TGIF1: variants seen among roughly 807,000 people sequenced by gnomAD.
The protein encoded by TGIF1 is TGFB induced factor homeobox 1, also known as homeobox protein TGIF1.
Under a neutral mutation model 19.3 loss-of-function variants are expected in TGIF1, and 4 were observed. The observed-to-expected ratio is 0.21, with a 90% CI of 0.10 to 0.47. The LOEUF (loss-of-function observed/expected upper bound fraction) is 0.47, where lower values mean the gene tolerates loss of function less well. Among genes scored for constraint, TGIF1 ranks in the 20% least tolerant of loss-of-function variants. The pLI, the probability that TGIF1 is intolerant of heterozygous loss-of-function variation, is 0.98. For missense variants in TGIF1, 275 were observed against 341.4 expected (o/e 0.81, Z 1.53); for synonymous variants, 122 against 129.3 (o/e 0.94, Z 0.38).
At chr18:3,444,286 C>CTTTTT (rs57205118) in intron 2 of TGIF1, among the ~76,000 whole-genome samples, 2 of 122,224 alleles carry the variant, frequency 1.6e-5, no homozygotes, top group Non-Finnish European at 3.2e-5. Context: ...ACTTTCTTTT[C>CTTTTT]TTTTTTTTTT....
At chr18:3,444,239 G>A (rs939886405) in intron 2 of TGIF1, among the ~76,000 whole-genome samples, 3 of 151,130 alleles carry the variant, frequency 2.0e-5, no homozygotes, top group East Asian at 1.9e-4. Flanking sequence ...CATTGCACCC[G>A]GCCTGTATTC....
intron 1 of TGIF1, among the ~76,000 whole-genome samples, chr18:3,417,536 A>T (rs1392575093): frequency 1.3e-5 from 2 of 152,226 alleles, no homozygotes; most frequent in African/African-American, 2.4e-5. Flanking sequence ...CTGTTAGATT[A>T]AAAAAGTATA....
upstream of TGIF1, chr18:3,448,322 G>A (rs2143277720): frequency 1.0e-6 from 1 of 985,408 alleles, no homozygotes; most frequent in Non-Finnish European, 1.2e-6. Context: ...ACCAATCCCA[G>A]CCACAGACAA....
Position 3,458,053 on chromosome 18 carries a change from A to G in TGIF1, c.*113A>G, listed in dbSNP as rs529315164. On this transcript the variant is annotated 3_prime_UTR_variant, in exon 3 of 3. Transcript: ENST00000343820. ...ATTAATATTTGCACATGGGATTGCTAAAACAGCTTCCTGTTACTGAGATGT... is the reference window on the plus strand; with the variant it reads ...ATTAATATTTGCACATGGGATTGCTGAAACAGCTTCCTGTTACTGAGATGT... 5.7e-5 allele frequency: 54 copies of G among 954,306 alleles called. No homozygotes were observed. In the Middle Eastern group the frequency reaches 1.6e-3, roughly 28 times the overall value. 59.1% of individuals were successfully genotyped at this position (954,306 alleles called of 1,614,324 possible). A position where few individuals can be genotyped will look rare whatever the true frequency, so the allele number is the denominator to read the frequency against.
chr18:3,436,743 C>T (rs1269172091), intron 2 of TGIF1, among the ~76,000 whole-genome samples: 1 of 151,926 alleles, frequency 6.6e-6, no homozygotes, highest in East Asian at 1.9e-4. Flanking sequence ...CTCTTGAACC[C>T]GGGAAGTGGA....
chr18:3,447,922 C>T (rs911910256), upstream of TGIF1: 14 of 1,466,920 alleles, frequency 9.5e-6, no homozygotes, highest in East Asian at 1.4e-4. Context: ...TTCTCGGTTC[C>T]CATCTCGGTT....
Position 3,459,769 on chromosome 18 carries a change from A to G in TGIF1, c.*1829A>G, listed in dbSNP as rs1387649912. The G allele has an allele frequency of 6.6e-6, 1 of 152,140 alleles. No homozygotes were observed. The highest frequency in any genetic ancestry group is 2.4e-5 in the African/African-American group (1 of 41,434). 9.4% of individuals were successfully genotyped at this position (152,140 alleles called of 1,614,324 possible). ...AACTGTAAGTCACCTTAAATTCCCTATGTTTTACTTCATTTTTTCCCTATT... is the reference window on the plus strand; with the variant it reads ...AACTGTAAGTCACCTTAAATTCCCTGTGTTTTACTTCATTTTTTCCCTATT... On this transcript the variant is annotated 3_prime_UTR_variant, in exon 3 of 3. Coordinates refer to ENST00000343820, the MANE Select transcript of TGIF1 (RefSeq NM_003244.4).
At chr18:3,434,444 G>T (rs1485016979) in intron 2 of TGIF1, among the ~76,000 whole-genome samples, 13 of 152,164 alleles carry the variant, frequency 8.5e-5, no homozygotes, top group Admixed American at 8.5e-4. Flanking sequence ...GCTGAGGCAG[G>T]AGAATCGCTT....
At chr18:3,426,916 C>CTTT (rs545236407) in intron 2 of TGIF1, among the ~76,000 whole-genome samples, 53 of 100,028 alleles carry the variant, frequency 5.3e-4, no homozygotes, top group African/African-American at 8.0e-4. Context: ...AGGATGATCT[C>CTTT]TTTTTTTTTT....
intron 2 of TGIF1, among the ~76,000 whole-genome samples, chr18:3,427,458 A>C (rs12455171): frequency 0.12 from 17,532 of 149,722 alleles, 1,238 homozygotes; most frequent in African/African-American, 0.22. Flanking sequence ...CACGTGGCTA[A>C]TTTTTGTATT....
At chr18:3,420,424 A>C (rs1393852208) in intron 2 of TGIF1, among the ~76,000 whole-genome samples, 1 of 152,162 alleles carries the variant, frequency 6.6e-6, no homozygotes, top group Non-Finnish European at 1.5e-5. Context: ...AGAAAGAAAA[A>C]GAGTGGAAAA....
intron 2 of TGIF1, among the ~76,000 whole-genome samples, chr18:3,419,798 G>A (rs184990104): frequency 0.013 from 1,992 of 152,308 alleles, 52 homozygotes; most frequent in Admixed American, 0.068. Context: ...CTGAGGTCAG[G>A]TGTTCAAGAC....
chr18:3,449,685 C>T, upstream of TGIF1: 1 of 985,466 alleles, frequency 1.0e-6, no homozygotes, highest in Non-Finnish European at 1.2e-6. Context: ...TACTTTTCCT[C>T]CCGTGCCCCG....
chr18:3,433,550 T>C (rs903454587), intron 2 of TGIF1, among the ~76,000 whole-genome samples: 1 of 152,190 alleles, frequency 6.6e-6, no homozygotes, highest in African/African-American at 2.4e-5. Context: ...AAACCTAGAA[T>C]AGTCAAATTC....
intron 2 of TGIF1, among the ~76,000 whole-genome samples, chr18:3,438,887 T>A (rs2082648854): frequency 6.6e-6 from 1 of 152,154 alleles, no homozygotes; most frequent in South Asian, 2.1e-4. Context: ...AGCATTAAAG[T>A]TCCATCTAAA....
chr18:3,448,738 T>C (rs2082804073), upstream of TGIF1: 1 of 320,438 alleles, frequency 3.1e-6, no homozygotes, highest in South Asian at 1.2e-4. Flanking sequence ...TTTTTTTTTT[T>C]GAGGGAGGGT....
At chr18:3,433,316 C>T (rs367868522) in intron 2 of TGIF1, among the ~76,000 whole-genome samples, 7 of 152,244 alleles carry the variant, frequency 4.6e-5, no homozygotes, top group South Asian at 2.1e-4. Context: ...TCACGTGATC[C>T]GCCCGCCTCA....
At position 3,458,237 on chromosome 18, in the gene TGIF1, A is replaced by AT; in HGVS notation, c.*303dup. ...TTTCCTCCCCTTCCCTTTTTTTGTT[A>AT]TTTTTTCAGACTGTGCAATACTTAG... On this transcript the variant is annotated 3_prime_UTR_variant, in exon 3 of 3. Transcript: ENST00000343820. 6 of 368,606 alleles carry AT rather than the reference A, an allele frequency of 1.6e-5. No individual in the cohort carries two copies. Among genetic ancestry groups the AT allele is most frequent in the South Asian group, 1.2e-4 (4 of 33,384 alleles). 22.8% of individuals were successfully genotyped at this position (368,606 alleles called of 1,614,324 possible).
chr18:3,425,979 C>A (rs2082462651), intron 2 of TGIF1, among the ~76,000 whole-genome samples: 1 of 152,010 alleles, frequency 6.6e-6, no homozygotes, highest in Non-Finnish European at 1.5e-5. Flanking sequence ...CTGCCCCCGC[C>A]CCATATTTGG....
Sources: allele counts gnomAD v4.1 joint callset (sites outside exome capture counted in the v4.1 genomes callset), GRCh38; gene constraint gnomAD v4.1.1; transcripts MANE v1.5; gene names NCBI Gene and HGNC (gene_info 2026-07-23, HGNC 2026-07-21).